Variants in ADAM18 observed in about 807,000 individuals in gnomAD.
The protein encoded by ADAM18 is ADAM metallopeptidase domain 18.
ADAM18 carries 117 observed loss-of-function variants against 94.4 expected under a neutral mutation model. The observed-to-expected ratio is 1.24, with a 90% confidence interval of 1.07 to 1.45. The LOEUF is 1.45. Among genes scored for constraint, ADAM18 ranks in the 40% most tolerant of loss-of-function variants. The pLI, the probability that ADAM18 is intolerant of heterozygous loss-of-function variation, is 0.00. For synonymous variants in ADAM18, 327 were observed against 291.6 expected (o/e 1.12, Z -1.24); for missense variants, 936 against 880.0 (o/e 1.06, Z -0.81).
intron 17 of ADAM18, among the ~76,000 whole-genome samples, chr8:39,706,318 C>T (rs370445479): frequency 2.0e-5 from 3 of 151,854 alleles, no homozygotes; most frequent in Non-Finnish European, 4.4e-5. Context: ...CCAATAATGT[C>T]AAATGTTGAA....
chr8:39,599,390 C>T (rs1419268366), intron 2 of ADAM18, among the ~76,000 whole-genome samples: 1 of 152,030 alleles, frequency 6.6e-6, no homozygotes, highest in Non-Finnish European at 1.5e-5. Context: ...AAGAAGTATT[C>T]CCTGTGCTTC....
chr8:39,642,997 C>T (rs899171634), intron 10 of ADAM18, among the ~76,000 whole-genome samples: 10 of 152,002 alleles, frequency 6.6e-5, no homozygotes, highest in African/African-American at 2.4e-4. Context: ...AGAGATCTTT[C>T]ACCTCCCTAG....
chr8:39,705,934 T>C (rs1822228287), intron 17 of ADAM18, among the ~76,000 whole-genome samples: 2 of 152,116 alleles, frequency 1.3e-5, no homozygotes, highest in Admixed American at 6.5e-5. Context: ...AATCTATTAA[T>C]GTATATGTGT....
rs190108337 is a variant in ADAM18, at chr8:39,659,206, T to A, written c.1231-4589T>A. 2.1e-4 allele frequency among the ~76,000 whole-genome samples: 32 copies of A among 152,258 alleles called. No homozygotes were observed. In the East Asian group the frequency reaches 6.0e-3, roughly 28 times the overall value. Reference sequence around the variant, plus strand: ...TTTTTTCATTATAAAGTTCCCTTGCTATTAGATTATGCTTTTTAGTGACTG... The same window carrying A: ...TTTTTTCATTATAAAGTTCCCTTGCAATTAGATTATGCTTTTTAGTGACTG... On this transcript the variant is annotated intron_variant, in intron 12 of 19. Coordinates refer to ENST00000265707, the MANE Select transcript of ADAM18 (RefSeq NM_014237.3).
At chr8:39,600,524 T>C (rs1454516656) in intron 2 of ADAM18, among the ~76,000 whole-genome samples, 1 of 152,258 alleles carries the variant, frequency 6.6e-6, no homozygotes, top group Non-Finnish European at 1.5e-5. Flanking sequence ...TTGTGTGGTC[T>C]ATAAATGTAA....
chr8:39,624,496 A>T (rs758344637), intron 6 of ADAM18, among the ~76,000 whole-genome samples: 1 of 152,106 alleles, frequency 6.6e-6, no homozygotes, highest in Non-Finnish European at 1.5e-5. Context: ...AGTATATTCC[A>T]TTGGTCTATG....
At chr8:39,704,272 C>T (rs921957817) in intron 17 of ADAM18, among the ~76,000 whole-genome samples, 1 of 152,038 alleles carries the variant, frequency 6.6e-6, no homozygotes, top group Non-Finnish European at 1.5e-5. Context: ...AATTTTAGGC[C>T]TATATCTTGC....
rs111711861 is a variant in ADAM18 at position 39,702,795 on chromosome 8, G to A, written c.1903-3995G>A. On this transcript the variant is annotated intron_variant, in intron 17 of 19. Transcript: ENST00000265707. ...GTCTGTTGAAGATTAGATAGTTGTC[G>A]GTGTGTGATCTTATGTCTGGGTTCT... 3.6e-4 allele frequency among the ~76,000 whole-genome samples: 55 copies of A among 152,160 alleles called. 1 individual carries two copies. Among genetic ancestry groups the A allele is most frequent in the South Asian group, 6.2e-4 (3 of 4,814 alleles).
At position 39,668,026 on chromosome 8, in the gene ADAM18, A is replaced by G. The variant is rs760404633; in HGVS notation, c.1355A>G (p.Lys452Arg). 1.9e-5 allele frequency: 31 copies of G among 1,613,910 alleles called. 1 individual carries two copies. In the African/African-American group the frequency reaches 3.6e-4, roughly 19 times the overall value. Residue 452 changes from lysine to arginine, a missense_variant, in exon 14 of 20, where the codon AAG becomes AGG. By Grantham distance (26) the Lys-to-Arg change is conservative. Transcript: ENST00000265707. ...ELSIAGTPCR[K>R]SIDPECDFTE... ...TCAATAGCAGGCACTCCATGTAGAA[A>G]GAGTATTGATCCAGAGTGTGATTTT... is the stretch of plus-strand genomic sequence containing the variant.
intron 6 of ADAM18, among the ~76,000 whole-genome samples, chr8:39,628,406 C>T (rs1451642494): frequency 7.1e-6 from 1 of 140,440 alleles, no homozygotes; most frequent in African/African-American, 2.7e-5. Flanking sequence ...AATTGATAGA[C>T]TGATAGATCA....
At chr8:39,637,040 TA>T (rs1563285247) in intron 7 of ADAM18, among the ~76,000 whole-genome samples, 9 of 140,508 alleles carry the variant, frequency 6.4e-5, no homozygotes, top group African/African-American at 2.4e-4. Context: ...TATATATATA[TA>T]TATATATATA....
At chr8:39,695,613 A>G (rs1450236312) in intron 17 of ADAM18, among the ~76,000 whole-genome samples, 2 of 151,208 alleles carry the variant, frequency 1.3e-5, no homozygotes, top group African/African-American at 2.4e-5. Flanking sequence ...AGCCCCTGGT[A>G]TCCACTATTC....
intron 16 of ADAM18, among the ~76,000 whole-genome samples, chr8:39,688,696 A>T (rs528394489): frequency 6.6e-6 from 1 of 152,298 alleles, no homozygotes; most frequent in South Asian, 2.1e-4. Flanking sequence ...ATGAACATAC[A>T]TGTGCCCTTA....
chr8:39,719,514 A>G lies in ADAM18; in HGVS notation c.2018-4234A>G, dbSNP rs554216018. Among the ~76,000 whole-genome samples the G allele has an allele frequency of 5.9e-5, 9 of 151,536 alleles. 1 individual carries two copies. In the South Asian group the frequency reaches 8.3e-4, roughly 14 times the overall value. ...CTATTCAAAAGCCACTGTTAGGGGA[A>G]TAAAAGGGCAAGCCACTGCCCCTTA... On this transcript the variant is annotated intron_variant, in intron 18 of 19. Coordinates refer to ENST00000265707, the MANE Select transcript of ADAM18 (RefSeq NM_014237.3).
At chr8:39,681,761 T>C (rs891750706) in intron 16 of ADAM18, among the ~76,000 whole-genome samples, 1 of 152,160 alleles carries the variant, frequency 6.6e-6, no homozygotes. Flanking sequence ...GAGTATATTA[T>C]TGAAAACTGG....
At position 39,584,647 on chromosome 8, in the gene ADAM18, A is replaced by T. The variant is rs1334428269; in HGVS notation, c.25A>T (p.Thr9Ser). 1 of 1,613,286 alleles carries T rather than the reference A, an allele frequency of 6.2e-7. No homozygotes were observed. MFLLLALLTELGRLQAHEG... is the reference protein window; with the variant it reads MFLLLALLSELGRLQAHEG... ...CATGTTCCTTCTCCTCGCCCTCCTC[A>T]CTGAGCTTGGAAGACTGCAAGCCCA... is the stretch of plus-strand genomic sequence containing the variant. The change falls in exon 1 of 20, where the codon ACT (threonine) becomes TCT (serine). Residue 9 changes from threonine (T) to serine (S), a missense_variant. Physicochemically the swap from Thr to Ser is moderately conservative, Grantham distance 58 (BLOSUM62 1). Coordinates refer to ENST00000265707, the MANE Select transcript of ADAM18 (RefSeq NM_014237.3).
intron 18 of ADAM18, among the ~76,000 whole-genome samples, chr8:39,715,696 T>TA (rs1174954798): frequency 6.6e-6 from 1 of 151,840 alleles, no homozygotes; most frequent in East Asian, 1.9e-4. Flanking sequence ...ATAATCTTTA[T>TA]AAAAAAACAA....
At chr8:39,726,706 T>C (rs1373141184) in intron 19 of ADAM18, among the ~76,000 whole-genome samples, 3 of 152,134 alleles carry the variant, frequency 2.0e-5, no homozygotes, top group African/African-American at 7.2e-5. Flanking sequence ...TTAATCTCTC[T>C]CCTGATTTCT....
intron 14 of ADAM18, among the ~76,000 whole-genome samples, chr8:39,670,267 T>C (rs1821118378): frequency 6.6e-6 from 1 of 152,206 alleles, no homozygotes; most frequent in South Asian, 2.1e-4. Context: ...AAAATGTATA[T>C]TCCTATAATA....
Sources: allele counts gnomAD v4.1 joint callset (sites outside exome capture counted in the v4.1 genomes callset), GRCh38; gene constraint gnomAD v4.1.1; transcripts MANE v1.5; gene names NCBI Gene and HGNC (gene_info 2026-07-23, HGNC 2026-07-21).